The following XKR4 variants were observed in gnomAD, a reference collection of about 807,000 sequenced individuals.
XKR4 encodes the protein XK related 4, also known as XK-related protein 4.
XKR4 carries 12 observed loss-of-function variants against 53.9 expected under a neutral mutation model. The observed-to-expected ratio is 0.22, with a 90% CI of 0.14 to 0.36. The LOEUF (loss-of-function observed/expected upper bound fraction) is 0.36. Ranked by LOEUF, XKR4 falls within the 10% of genes least tolerant of loss-of-function variation. XKR4 has a pLI of 1.00. For missense variants in XKR4, 799 were observed against 859.5 expected (o/e 0.93, Z 0.88); for synonymous variants, 354 against 362.4 (o/e 0.98, Z 0.26).
rs78613751 is a variant in XKR4 at position 55,384,881 on chromosome 8, A to G, written c.1006+27004A>G. Among the ~76,000 whole-genome samples the G allele has an allele frequency of 2.6e-4, 39 of 152,342 alleles. No homozygotes were observed. The East Asian group carries it at 4.6e-3, about 18-fold the overall frequency. On this transcript the variant is annotated intron_variant, in intron 2 of 2. Coordinates refer to ENST00000327381, the MANE Select transcript of XKR4 (RefSeq NM_052898.2). ...AAATTTCAAATATTTTTGGCACCCA[A>G]AACAGGTTCCATGGATGAGCTCAGT...
At chr8:55,507,442 C>G (rs956569811) in intron 2 of XKR4, among the ~76,000 whole-genome samples, 1 of 151,874 alleles carries the variant, frequency 6.6e-6, no homozygotes, top group Non-Finnish European at 1.5e-5. Flanking sequence ...TGTTGTTGTG[C>G]TGCACCCAGT....
chr8:55,363,668 C>T (rs2129385037), intron 2 of XKR4, among the ~76,000 whole-genome samples: 1 of 152,272 alleles, frequency 6.6e-6, no homozygotes, highest in African/African-American at 2.4e-5. Flanking sequence ...AGAGAAAATC[C>T]CAGTCACCCC....
chr8:55,266,787 G>T (rs1361321498), intron 1 of XKR4, among the ~76,000 whole-genome samples: 1 of 152,180 alleles, frequency 6.6e-6, no homozygotes, highest in Non-Finnish European at 1.5e-5. Flanking sequence ...GGGTGGATCT[G>T]ATCCTCTTAA....
intron 2 of XKR4, among the ~76,000 whole-genome samples, chr8:55,498,292 C>T (rs1017720966): frequency 6.6e-6 from 1 of 152,146 alleles, no homozygotes; most frequent in African/African-American, 2.4e-5. Context: ...TCCCCATGGT[C>T]GCCTTCCGTC....
rs1163379013 is a variant in XKR4 at position 55,539,379 on chromosome 8, T to C, written c.*15152T>C. The C allele has an allele frequency of 6.6e-6, 1 of 152,198 alleles. No homozygotes were observed. The highest frequency in any genetic ancestry group is 1.5e-5 in the Non-Finnish European group (1 of 68,034). 9.4% of individuals were successfully genotyped at this position (152,198 alleles called of 1,614,324 possible). On this transcript the variant is annotated 3_prime_UTR_variant, in exon 3 of 3. Transcript: ENST00000327381. ...AAACACAAAATGGGTTTCAGAAAGT[T>C]TACCTTGAGAAGTGGGTTTGAAATC...
At chr8:55,489,201 G>A (rs1479496474) in intron 2 of XKR4, among the ~76,000 whole-genome samples, 1 of 152,096 alleles carries the variant, frequency 6.6e-6, no homozygotes, top group Non-Finnish European at 1.5e-5. Flanking sequence ...GGTAACAAAT[G>A]CATCACAATA....
At chr8:55,178,969 G>T (rs2129359470) in intron 1 of XKR4, among the ~76,000 whole-genome samples, 1 of 152,252 alleles carries the variant, frequency 6.6e-6, no homozygotes, top group South Asian at 2.1e-4. Flanking sequence ...GTATGGCATA[G>T]TTAAGTGGAT....
Position 55,103,122 on chromosome 8 carries a change from C to T in XKR4, c.634C>T (p.Pro212Ser), listed in dbSNP as rs1278696377. The T allele has an allele frequency of 6.8e-6, 11 of 1,613,608 alleles. No homozygotes were observed. In the South Asian group the frequency reaches 1.2e-4, roughly 18 times the overall value. The change falls in exon 1 of 3, where the codon CCG becomes TCG. Residue 212 changes from proline (P) to serine (S), a missense_variant. Physicochemically the swap from Pro to Ser is moderately conservative, Grantham distance 74. Around this residue, in one of 3 missense-constraint regions of XKR4, gnomAD observed 476 missense variants for 505.4 expected, o/e 0.94. Transcript: ENST00000327381. Reference protein sequence around the residue: ...AGEGEARPSTPQRQASNASKS... With the variant: ...AGEGEARPSTSQRQASNASKS... The stretch of plus-strand genomic sequence containing the variant: ...GGAAGGCGAGGCTCGTCCTTCCACG[C>T]CGCAAAGGCAAGCATCTAACGCCAG...
At chr8:55,443,439 G>C (rs1400990712) in intron 2 of XKR4, among the ~76,000 whole-genome samples, 2 of 144,990 alleles carry the variant, frequency 1.4e-5, no homozygotes, top group African/African-American at 5.1e-5. Context: ...CAATGATTGA[G>C]GTTGTTTAAA....
chr8:55,462,477 T>C (rs1486315021), intron 2 of XKR4, among the ~76,000 whole-genome samples: 52 of 151,692 alleles, frequency 3.4e-4, no homozygotes, highest in Non-Finnish European at 6.2e-4. Context: ...GAAGGAAGCA[T>C]TAAACATGGA....
intron 2 of XKR4, among the ~76,000 whole-genome samples, chr8:55,459,596 A>C (rs886674441): frequency 2.0e-5 from 3 of 152,196 alleles, no homozygotes; most frequent in Non-Finnish European, 2.9e-5. Context: ...AAACAATTCA[A>C]TAAAAATAGA....
rs1188585451 is a variant in XKR4, at chr8:55,526,213, T to C, written c.*1986T>C. The C allele has an allele frequency of 6.6e-6, 1 of 152,318 alleles. No individual in the cohort carries two copies. Among genetic ancestry groups the C allele is most frequent in the African/African-American group, 2.4e-5 (1 of 41,464 alleles). 9.4% of individuals were successfully genotyped at this position (152,318 alleles called of 1,614,324 possible). A position where few individuals can be genotyped will look rare whatever the true frequency, so the allele number is the denominator to read the frequency against. On this transcript the variant is annotated 3_prime_UTR_variant, in exon 3 of 3. Transcript: ENST00000327381. ...TTATTTGGATCTAATTCACACAAAG[T>C]AGTCCAGTTCTCTAGCCACCACCTG...
chr8:55,524,147 T>C lies in XKR4; in HGVS notation c.1873T>C (p.Cys625Arg). 6.2e-7 allele frequency: 1 copy of C among 1,614,254 alleles called. No individual in the cohort carries two copies. Among genetic ancestry groups the C allele is most frequent in the Non-Finnish European group, 8.5e-7 (1 of 1,180,050 alleles). ...CCGAAAGGCTATTTTAGCTTTTGAA[T>C]GTTCCCCATCTCCTCCAAGGCTGCA... ...SLRKAILAFE[C>R]SPSPPRLQYK... The change falls in exon 3 of 3, where the codon TGT (cysteine) becomes CGT (arginine). Residue 625 changes from cysteine to arginine, a missense_variant. Cys to Arg is a radical substitution (Grantham distance 180). Transcript: ENST00000327381.
intron 2 of XKR4, chr8:55,517,887 A>G (rs879124400): frequency 5.3e-5 from 8 of 152,258 alleles, no homozygotes; most frequent in Admixed American, 3.9e-4. Context: ...TATGTTTGTA[A>G]ATGTTCATGA....
intron 1 of XKR4, among the ~76,000 whole-genome samples, chr8:55,285,063 C>T (rs1320625573): frequency 1.3e-5 from 2 of 152,228 alleles, no homozygotes; most frequent in Non-Finnish European, 2.9e-5. Flanking sequence ...TCATATCACA[C>T]TGCTGTTCAC....
chr8:55,478,444 C>T lies in XKR4; in HGVS notation c.1007-44837C>T, dbSNP rs972211279. On this transcript the variant is annotated intron_variant, in intron 2 of 2. Transcript: ENST00000327381. ...CAACCGGTACCAGCCACTGCAAAAA[C>T]ATGCCAAAATGTAAAGACCATCAAG... Among the ~76,000 whole-genome samples, 5 of 152,194 alleles carry T rather than the reference C, an allele frequency of 3.3e-5. No homozygotes were observed. In the South Asian group the frequency reaches 6.2e-4, roughly 19 times the overall value.
At chr8:55,410,062 A>C (rs1804751734) in intron 2 of XKR4, among the ~76,000 whole-genome samples, 1 of 151,420 alleles carries the variant, frequency 6.6e-6, no homozygotes. Context: ...TGCCATGGCT[A>C]GTTGATTCCT....
At chr8:55,302,471 C>A (rs1035973432) in intron 1 of XKR4, among the ~76,000 whole-genome samples, 1 of 152,154 alleles carries the variant, frequency 6.6e-6, no homozygotes, top group Admixed American at 6.5e-5. Flanking sequence ...ATTGACTTGA[C>A]AATGTGGGCT....
chr8:55,226,925 G>A (rs1202959091), intron 1 of XKR4, among the ~76,000 whole-genome samples: 5 of 152,118 alleles, frequency 3.3e-5, no homozygotes, highest in African/African-American at 7.2e-5. Context: ...CAAAATATGC[G>A]AGGACCTTGA....
Sources: allele counts gnomAD v4.1 joint callset (sites outside exome capture counted in the v4.1 genomes callset), GRCh38; gene constraint gnomAD v4.1.1; regional missense constraint gnomAD v4.1.1; transcripts MANE v1.5; gene names NCBI Gene and HGNC (gene_info 2026-07-23, HGNC 2026-07-21).